The following CREG1 variants were observed in gnomAD, a reference collection of about 807,000 sequenced individuals.
CREG1 encodes cellular repressor of E1A stimulated genes 1.
In CREG1, 20 loss-of-function variants were observed where a neutral mutation model predicts 19.9. That is an observed-to-expected ratio of 1.01 (90% CI 0.71 to 1.46). The LOEUF (loss-of-function observed/expected upper bound fraction) is 1.46, where lower values mean the gene tolerates loss of function less well. Among genes scored for constraint, CREG1 ranks in the 40% most tolerant of loss-of-function variants. The pLI, the probability that CREG1 is intolerant of heterozygous loss-of-function variation, is 0.00. For missense variants in CREG1, 290 were observed against 314.9 expected, an observed-to-expected ratio of 0.92 and a Z score of 0.60; for synonymous variants, 141 against 143.3, an observed-to-expected ratio of 0.98 and a Z score of 0.12.
chr1:167,547,891 A>G, intron 2 of CREG1, 111 bp downstream of exon 2: 1 of 1,257,808 alleles, frequency 8.0e-7, no homozygotes, highest in East Asian at 2.5e-5. Flanking sequence ...ACTGCACTCC[A>G]GCCTGGGAGA....
intron 3 of CREG1, among the ~76,000 whole-genome samples, chr1:167,543,453 C>T (rs745342960): frequency 6.6e-5 from 10 of 152,192 alleles, no homozygotes; most frequent in Non-Finnish European, 1.5e-4. Flanking sequence ...CAGAGGGCTT[C>T]GTGGTATTTG....
At chr1:167,553,317 GGA>G (rs1401423434) in intron 1 of CREG1, 69 bp downstream of exon 1, 2 of 1,153,318 alleles carry the variant, frequency 1.7e-6, no homozygotes, top group African/African-American at 1.6e-5. Flanking sequence ...AGAATTCTGG[GGA>G]GAGTGAAGGC....
intron 3 of CREG1, among the ~76,000 whole-genome samples, chr1:167,544,291 A>G (rs1264829394): frequency 6.6e-6 from 1 of 152,050 alleles, no homozygotes; most frequent in Non-Finnish European, 1.5e-5. Flanking sequence ...TCTATGACAC[A>G]CACTGTCCTA....
rs939247748 is a variant in CREG1, at chr1:167,542,136, A to G, written c.*162T>C. The G allele has an allele frequency of 8.6e-6, 5 of 584,266 alleles. No homozygotes were observed. Among genetic ancestry groups the G allele is most frequent in the Non-Finnish European group, 1.4e-5 (5 of 346,536 alleles). The allele number at this position is 584,266 out of a possible 1,614,324, so 36.2% of individuals were successfully genotyped here. A position where few individuals can be genotyped will look rare whatever the true frequency, so the allele number is the denominator to read the frequency against. ...GGAAATCCAATAACAGGTCAACTCT[A>G]TTGGTAAACAAGCAAGTAAACAAGC... On this transcript the variant is annotated 3_prime_UTR_variant, in exon 4 of 4. Coordinates refer to ENST00000370509, the MANE Select transcript of CREG1 (RefSeq NM_003851.3).
chr1:167,553,161 T>C (rs1656449705), intron 1 of CREG1, among the ~76,000 whole-genome samples: 5 of 152,172 alleles, frequency 3.3e-5, no homozygotes. Context: ...GCAGAGAATT[T>C]ACCCCAGGTG....
At chr1:167,550,853 G>A (rs560311755) in intron 1 of CREG1, among the ~76,000 whole-genome samples, 1 of 152,058 alleles carries the variant, frequency 6.6e-6, no homozygotes, top group Non-Finnish European at 1.5e-5. Context: ...AATCTTCTGA[G>A]GATCGCTGCA....
Position 167,553,450 on chromosome 1 carries a change from C to A in CREG1, c.292G>T (p.Ala98Ser). 2 of 1,480,668 alleles carry A rather than the reference C, an allele frequency of 1.4e-6. No individual in the cohort carries two copies. Among genetic ancestry groups the A allele is most frequent in the Non-Finnish European group, 1.8e-6 (2 of 1,122,810 alleles). The allele number at this position is 1,480,668 out of a possible 1,614,324, so 91.7% of individuals were successfully genotyped here. The stretch of plus-strand genomic sequence containing the variant: ...TAGAAATAGGGCACGCCGCTGCCCG[C>A]GCCCGGGGGCCCGTCGCTGAGCGAG... The part of the protein sequence containing the change: ...VLSLSDGPPG[A>S]GSGVPYFYLS... Residue 98 changes from alanine to serine, a missense_variant, in exon 1 of 4, where the codon GCG becomes TCG. Coordinates refer to ENST00000370509, the MANE Select transcript of CREG1 (RefSeq NM_003851.3).
intron 3 of CREG1, among the ~76,000 whole-genome samples, chr1:167,545,777 C>T (rs1040418059): frequency 2.0e-5 from 3 of 151,394 alleles, no homozygotes; most frequent in Admixed American, 2.0e-4. Flanking sequence ...CTGCACTCAG[C>T]CTGGGTGACA....
At chr1:167,550,405 T>C (rs1040979090) in intron 1 of CREG1, among the ~76,000 whole-genome samples, 14 of 152,158 alleles carry the variant, frequency 9.2e-5, no homozygotes, top group African/African-American at 3.4e-4. Flanking sequence ...TGTTAATCTA[T>C]TTGGGTAGGC....
intron 1 of CREG1, among the ~76,000 whole-genome samples, chr1:167,552,004 A>C (rs1482552288): frequency 6.6e-6 from 1 of 152,258 alleles, no homozygotes; most frequent in Non-Finnish European, 1.5e-5. Flanking sequence ...GTAAAATCTA[A>C]ATTTTAAAAT....
chr1:167,543,541 T>C (rs967661209), intron 3 of CREG1, among the ~76,000 whole-genome samples: 2 of 152,218 alleles, frequency 1.3e-5, no homozygotes, highest in Non-Finnish European at 2.9e-5. Flanking sequence ...CCAGAACGCC[T>C]GTGAGGCCCC....
At chr1:167,551,209 G>A (rs1656418183) in intron 1 of CREG1, among the ~76,000 whole-genome samples, 1 of 152,182 alleles carries the variant, frequency 6.6e-6, no homozygotes. Flanking sequence ...AAGTTACAGA[G>A]GACAGGTATT....
intron 3 of CREG1, among the ~76,000 whole-genome samples, chr1:167,544,071 T>C (rs144554701): frequency 3.4e-4 from 52 of 152,352 alleles, no homozygotes; most frequent in African/African-American, 1.1e-3. Flanking sequence ...TCCTGATAAT[T>C]TGTTGCCAGG....
intron 3 of CREG1, 71 bp downstream of exon 3, chr1:167,546,030 C>A: frequency 7.4e-7 from 1 of 1,348,472 alleles, no homozygotes; most frequent in Non-Finnish European, 1.0e-6. Context: ...CGGTTAAACC[C>A]CCCTTGCCTT....
At position 167,547,012 on chromosome 1, in the gene CREG1, A is replaced by G. The variant is rs542435827; in HGVS notation, c.475-727T>C. Among the ~76,000 whole-genome samples, 19 of 152,352 alleles carry G rather than the reference A, an allele frequency of 1.2e-4. No individual in the cohort carries two copies. In the South Asian group the frequency reaches 3.9e-3, roughly 32 times the overall value. ...TTAGAAACCACATAACAGAACTCAAAAGCATGTGCTGCTCCTCCATCTTTT... is the reference window on the plus strand; with the variant it reads ...TTAGAAACCACATAACAGAACTCAAGAGCATGTGCTGCTCCTCCATCTTTT... On this transcript the variant is annotated intron_variant, in intron 2 of 3. Coordinates refer to ENST00000370509, the MANE Select transcript of CREG1 (RefSeq NM_003851.3).
In CREG1 at chr1:167,553,719, G is replaced by A. The variant is rs1354346200; in HGVS notation, c.23C>T (p.Ser8Phe). Reference sequence around the variant, plus strand: ...CAGGGCGGCGAGCAGTGCGCGCGCGGACCCGCGGGATAGCCCGGCCATGGC... The same window carrying A: ...CAGGGCGGCGAGCAGTGCGCGCGCGAACCCGCGGGATAGCCCGGCCATGGC... MAGLSRG[S>F]ARALLAALLA... is the part of the protein sequence containing the mutation. The change falls in exon 1 of 4, where the codon TCC (serine) becomes TTC (phenylalanine). Residue 8 changes from serine (S) to phenylalanine (F), a missense_variant. Ser to Phe is a radical substitution (Grantham distance 155, BLOSUM62 -2). Transcript: ENST00000370509. 7.7e-7 allele frequency: 1 copy of A among 1,292,766 alleles called. No individual in the cohort carries two copies. The highest frequency in any genetic ancestry group is 9.8e-7 in the Non-Finnish European group (1 of 1,025,054). 80.1% of individuals were successfully genotyped at this position (1,292,766 alleles called of 1,614,324 possible). A position where few individuals can be genotyped will look rare whatever the true frequency, so the allele number is the denominator to read the frequency against.
In CREG1 at chr1:167,542,316, A is replaced by G. The variant is rs1243708418; in HGVS notation, c.660-15T>C. 3.1e-6 allele frequency: 5 copies of G among 1,601,428 alleles called. No individual in the cohort carries two copies. The highest frequency in any genetic ancestry group is 4.3e-6 in the Non-Finnish European group (5 of 1,175,598). ...GTCTGCTTCACCTAGAAAGGGGAACAGAGAAGAATTATTTTGTTAAACTGG... is the reference window on the plus strand; with the variant it reads ...GTCTGCTTCACCTAGAAAGGGGAACGGAGAAGAATTATTTTGTTAAACTGG... On this transcript the variant is annotated splice_polypyrimidine_tract_variant and intron_variant, in intron 3 of 3. Coordinates refer to ENST00000370509, the MANE Select transcript of CREG1 (RefSeq NM_003851.3).
rs1656458450 is a variant in CREG1, at chr1:167,553,446, C to T, written c.296G>A (p.Gly99Asp). 3 of 1,480,346 alleles carry T rather than the reference C, an allele frequency of 2.0e-6. No individual in the cohort carries two copies. Among genetic ancestry groups the T allele is most frequent in the Non-Finnish European group, 1.8e-6 (2 of 1,122,588 alleles). 91.7% of individuals were successfully genotyped at this position (1,480,346 alleles called of 1,614,324 possible). Residue 99 changes from glycine to aspartate, a missense_variant, in exon 1 of 4, where the codon GGC becomes GAC. Transcript: ENST00000370509. ...CAGGTAGAAATAGGGCACGCCGCTG[C>T]CCGCGCCCGGGGGCCCGTCGCTGAG... is the stretch of plus-strand genomic sequence containing the variant. The part of the protein sequence containing the change: ...LSLSDGPPGA[G>D]SGVPYFYLSP...
At chr1:167,543,686 A>G (rs541433157) in intron 3 of CREG1, among the ~76,000 whole-genome samples, 4 of 152,330 alleles carry the variant, frequency 2.6e-5, no homozygotes, top group African/African-American at 9.6e-5. Context: ...TCGGAGATGG[A>G]CAATTCCTAG....
Sources: allele counts gnomAD v4.1 joint callset (sites outside exome capture counted in the v4.1 genomes callset), GRCh38; gene constraint gnomAD v4.1.1; transcripts MANE v1.5; gene names NCBI Gene and HGNC (gene_info 2026-07-23, HGNC 2026-07-21).